The following ELAPOR2 variants were observed in gnomAD, a reference collection of about 807,000 sequenced individuals.
ELAPOR2 encodes endosome/lysosome-associated apoptosis and autophagy regulator family member 2.
A neutral mutation model predicts 120.7 loss-of-function variants in ELAPOR2; 89 were observed. The observed-to-expected ratio is 0.74, with a 90% confidence interval of 0.62 to 0.88. The LOEUF (loss-of-function observed/expected upper bound fraction) is 0.88, where lower values mean the gene tolerates loss of function less well. Ranked by LOEUF, ELAPOR2 falls within the 40% of genes least tolerant of loss-of-function variation. The pLI, the probability that ELAPOR2 is intolerant of heterozygous loss-of-function variation, is 0.00. For synonymous variants in ELAPOR2, 444 were observed against 444.9 expected (o/e 1.00, Z 0.03); for missense variants, 1,134 against 1,251.6 (o/e 0.91, Z 1.42).
intron 1 of ELAPOR2, among the ~76,000 whole-genome samples, chr7:87,049,858 T>C (rs1037537960): frequency 3.3e-5 from 5 of 152,178 alleles, no homozygotes; most frequent in Non-Finnish European, 5.9e-5. Flanking sequence ...AATGTGGTGA[T>C]GTTGGGAGGT....
chr7:86,970,028 A>G (rs989468983), intron 1 of ELAPOR2, among the ~76,000 whole-genome samples: 3 of 152,202 alleles, frequency 2.0e-5, no homozygotes, highest in African/African-American at 7.2e-5. Flanking sequence ...GCAGTGAAAT[A>G]CATCAGCCTC....
At chr7:86,924,776 C>T (rs1038612708) in intron 10 of ELAPOR2, among the ~76,000 whole-genome samples, 8 of 151,316 alleles carry the variant, frequency 5.3e-5, no homozygotes, top group Admixed American at 1.3e-4. Context: ...TGATTTAAAA[C>T]GTATGTGTTA....
At chr7:87,052,849 T>G (rs1795154692) in intron 1 of ELAPOR2, among the ~76,000 whole-genome samples, 1 of 152,054 alleles carries the variant, frequency 6.6e-6, no homozygotes, top group Admixed American at 6.6e-5. Flanking sequence ...CAGACTGGAG[T>G]GCAGTGGCAC....
At chr7:86,918,388 GA>G (rs1789666548) in intron 12 of ELAPOR2, 53 bp downstream of exon 12, 2 of 626,330 alleles carry the variant, frequency 3.2e-6, no homozygotes, top group South Asian at 2.0e-5. Context: ...ATTTACACTT[GA>G]AGGAGAATGC....
In ELAPOR2 at chr7:86,938,858, T is replaced by A; in HGVS notation, c.950A>T (p.Glu317Val). 6.2e-7 allele frequency: 1 copy of A among 1,613,384 alleles called. No homozygotes were observed. The highest frequency in any genetic ancestry group is 8.5e-7 in the Non-Finnish European group (1 of 1,179,488). Residue 317 changes from glutamate to valine, a missense_variant, in exon 7 of 22, where the codon GAG becomes GTG. Transcript: ENST00000450689. Reference protein sequence around the residue: ...CQVCPRNTYSEKGAKECIRCK... With the variant: ...CQVCPRNTYSVKGAKECIRCK... Reference sequence around the variant, plus strand: ...CCTTATACATTCTTTGGCTCCTTTCTCAGAATAGGTGTTTCTGGGACACAC... The same window carrying A: ...CCTTATACATTCTTTGGCTCCTTTCACAGAATAGGTGTTTCTGGGACACAC...
chr7:86,895,457 A>G (rs1258327767), intron 19 of ELAPOR2, among the ~76,000 whole-genome samples: 1 of 152,108 alleles, frequency 6.6e-6, no homozygotes, highest in Non-Finnish European at 1.5e-5. Context: ...AGCATAACAG[A>G]AGGATATATT....
At chr7:86,936,730 T>A (rs1790576786) in intron 8 of ELAPOR2, among the ~76,000 whole-genome samples, 1 of 152,112 alleles carries the variant, frequency 6.6e-6, no homozygotes, top group African/African-American at 2.4e-5. Flanking sequence ...GTATTCTGCA[T>A]ATACATTTAA....
chr7:87,013,044 T>A (rs1793744240), intron 1 of ELAPOR2, among the ~76,000 whole-genome samples: 1 of 152,222 alleles, frequency 6.6e-6, no homozygotes, highest in South Asian at 2.1e-4. Context: ...AACTTCCTCA[T>A]CATTTCTGCT....
chr7:87,029,254 G>A (rs1051853855), intron 1 of ELAPOR2, among the ~76,000 whole-genome samples: 12 of 152,166 alleles, frequency 7.9e-5, no homozygotes, highest in Non-Finnish European at 1.6e-4. Context: ...AAAAATATTT[G>A]TTGAAAGAAC....
intron 3 of ELAPOR2, among the ~76,000 whole-genome samples, chr7:86,946,599 C>T (rs1489900996): frequency 6.6e-6 from 1 of 152,076 alleles, no homozygotes; most frequent in East Asian, 1.9e-4. Flanking sequence ...GTTGGTCAGG[C>T]TGGTCTTGAA....
intron 1 of ELAPOR2, among the ~76,000 whole-genome samples, chr7:87,053,468 A>C (rs1381341805): frequency 3.9e-5 from 6 of 152,096 alleles, no homozygotes; most frequent in Non-Finnish European, 8.8e-5. Context: ...GGGCATATGA[A>C]CTAGAAAAAG....
At chr7:86,904,106 C>T (rs1018328910) in intron 18 of ELAPOR2, among the ~76,000 whole-genome samples, 5 of 152,150 alleles carry the variant, frequency 3.3e-5, no homozygotes, top group African/African-American at 7.2e-5. Flanking sequence ...TACAACCTGG[C>T]GCATCAGTGT....
chr7:86,993,234 C>CAAAAAAAAAAAAAAAAAAAAAAAAAAAA (rs1159917841), intron 1 of ELAPOR2, among the ~76,000 whole-genome samples: 1 of 57,146 alleles, frequency 1.7e-5, no homozygotes, highest in African/African-American at 5.8e-5. Context: ...GACTCCATCT[C>CAAAAAAAAAAAAAAAAAAAAAAAAAAAA]AAAAAAAAAA....
intron 1 of ELAPOR2, among the ~76,000 whole-genome samples, chr7:87,051,040 C>A (rs1795085114): frequency 6.6e-6 from 1 of 152,172 alleles, no homozygotes; most frequent in Non-Finnish European, 1.5e-5. Flanking sequence ...GACACCAAGG[C>A]TATGCTTGAT....
At chr7:87,043,508 A>T (rs1347800814) in intron 1 of ELAPOR2, among the ~76,000 whole-genome samples, 2 of 151,524 alleles carry the variant, frequency 1.3e-5, no homozygotes, top group Non-Finnish European at 2.9e-5. Flanking sequence ...CAAAGACAAA[A>T]ACCACATGAT....
intron 8 of ELAPOR2, among the ~76,000 whole-genome samples, chr7:86,935,164 A>G (rs1352216824): frequency 2.0e-5 from 3 of 152,040 alleles, no homozygotes; most frequent in African/African-American, 7.2e-5. Context: ...ACTTGCAGTG[A>G]TTTCTAAATG....
chr7:86,915,624 C>T (rs986576243), intron 12 of ELAPOR2, among the ~76,000 whole-genome samples: 1 of 150,436 alleles, frequency 6.6e-6, no homozygotes, highest in Non-Finnish European at 1.5e-5. Context: ...TCTGAATTTT[C>T]TAATTTTCCT....
chr7:86,917,680 C>T (rs1584347887), intron 12 of ELAPOR2, among the ~76,000 whole-genome samples: 1 of 151,904 alleles, frequency 6.6e-6, no homozygotes, highest in South Asian at 2.1e-4. Context: ...TACTTTTTTT[C>T]AGAAACAAAG....
At chr7:87,025,890 T>C (rs1037875789) in intron 1 of ELAPOR2, among the ~76,000 whole-genome samples, 4 of 152,090 alleles carry the variant, frequency 2.6e-5, no homozygotes, top group African/African-American at 9.7e-5. Flanking sequence ...GAAATGTTTA[T>C]CAAATAGTGT....
Sources: allele counts gnomAD v4.1 joint callset (sites outside exome capture counted in the v4.1 genomes callset), GRCh38; gene constraint gnomAD v4.1.1; transcripts MANE v1.5; gene names NCBI Gene and HGNC (gene_info 2026-07-23, HGNC 2026-07-21).